SOAT1: variants seen among roughly 807,000 people sequenced by gnomAD.
SOAT1 encodes the protein acyl-coenzyme A:cholesterol acyltransferase 1.
Under a neutral mutation model 69.5 loss-of-function variants are expected in SOAT1, and 55 were observed. That is an observed-to-expected ratio of 0.79 (90% confidence interval 0.64 to 0.99). The LOEUF (loss-of-function observed/expected upper bound fraction) is 0.99, where lower values mean the gene tolerates loss of function less well. SOAT1 is among the 50% of genes least tolerant of loss of function. The pLI is 0.00. For synonymous variants in SOAT1, 231 were observed against 224.7 expected, an observed-to-expected ratio of 1.03 and a Z score of -0.25; for missense variants, 580 against 669.3, an observed-to-expected ratio of 0.87 and a Z score of 1.47.
chr1:179,307,508 A>T (rs1665047565), intron 2 of SOAT1, among the ~76,000 whole-genome samples: 1 of 151,806 alleles, frequency 6.6e-6, no homozygotes, highest in South Asian at 2.1e-4. Context: ...GCTTGGGAGG[A>T]TCATTTGAGC....
chr1:179,331,970 C>G (rs1475000244), intron 3 of SOAT1, among the ~76,000 whole-genome samples: 1 of 152,054 alleles, frequency 6.6e-6, no homozygotes, highest in African/African-American at 2.4e-5. Flanking sequence ...TTCTTTAAAA[C>G]CATTTATGAA....
At position 179,315,715 on chromosome 1, in the gene SOAT1, C is replaced by T. The variant is rs184228670; in HGVS notation, c.119-7722C>T. 7.9e-5 allele frequency among the ~76,000 whole-genome samples: 12 copies of T among 152,296 alleles called. No individual in the cohort carries two copies. In the East Asian group the frequency reaches 2.3e-3, roughly 29 times the overall value. On this transcript the variant is annotated intron_variant, in intron 2 of 15. Coordinates refer to ENST00000367619, the MANE Select transcript of SOAT1 (RefSeq NM_003101.6). Reference sequence around the variant, plus strand: ...AATCTTTTTTCTAACTTTCCAGTGGCTGCATCTCAAAGCCTGTTTGTAATG... The same window carrying T: ...AATCTTTTTTCTAACTTTCCAGTGGTTGCATCTCAAAGCCTGTTTGTAATG...
At chr1:179,309,106 CG>C (rs907731523) in intron 2 of SOAT1, among the ~76,000 whole-genome samples, 1 of 152,068 alleles carries the variant, frequency 6.6e-6, no homozygotes, top group African/African-American at 2.4e-5. Context: ...TTTTTTGAGA[CG>C]GAGTCTCACT....
intron 1 of SOAT1, among the ~76,000 whole-genome samples, chr1:179,297,913 A>G (rs1254935626): frequency 6.6e-6 from 1 of 150,820 alleles, no homozygotes; most frequent in Non-Finnish European, 1.5e-5. Context: ...GAGGCAGGAG[A>G]ATCGCTTGAA....
chr1:179,305,744 ATCTG>A (rs760927041), intron 2 of SOAT1, among the ~76,000 whole-genome samples: 5 of 152,202 alleles, frequency 3.3e-5, no homozygotes, highest in Admixed American at 6.5e-5. Flanking sequence ...AAGACTTATT[ATCTG>A]TCTTTTGATG....
chr1:179,351,822 T>C (rs10798666), intron 15 of SOAT1, among the ~76,000 whole-genome samples: 99,094 of 148,888 alleles, frequency 0.67, 33,163 homozygotes, highest in East Asian at 0.88. Context: ...CGGATTCAAG[T>C]GATTCTCCTT....
In SOAT1 at chr1:179,357,204, G is replaced by GTTTT. The variant is rs959199145; in HGVS notation, c.*3564_*3567dup. 1.9e-5 allele frequency: 3 copies of GTTTT among 160,108 alleles called. No individual in the cohort carries two copies. The highest frequency in any genetic ancestry group is 2.8e-3 in the Middle Eastern group (1 of 358). 9.9% of individuals were successfully genotyped at this position (160,108 alleles called of 1,614,324 possible). On this transcript the variant is annotated 3_prime_UTR_variant, in exon 16 of 16. Coordinates refer to ENST00000367619, the MANE Select transcript of SOAT1 (RefSeq NM_003101.6). ...AAATGTTTCAAGGAATAAAGTGAAT[G>GTTTT]TTTTGTTTGTTTGTTTGTTTTGAGA...
At chr1:179,326,179 T>G (rs1373501012) in intron 3 of SOAT1, among the ~76,000 whole-genome samples, 1 of 152,178 alleles carries the variant, frequency 6.6e-6, no homozygotes, top group East Asian at 1.9e-4. Flanking sequence ...TGAGGCTAGA[T>G]TATAAAGCAT....
intron 7 of SOAT1, among the ~76,000 whole-genome samples, chr1:179,341,726 G>T (rs112155921): frequency 0.013 from 1,913 of 151,956 alleles, 61 homozygotes; most frequent in African/African-American, 0.044. Flanking sequence ...GTAGAGATGG[G>T]GTTTCACCAT....
Position 179,302,814 on chromosome 1 carries a change from T to A in SOAT1, c.118+12T>A, listed in dbSNP as rs80092740. 1.7e-6 allele frequency: 1 copy of A among 597,158 alleles called. No individual in the cohort carries two copies. 37.0% of individuals were successfully genotyped at this position (597,158 alleles called of 1,614,324 possible). A position where few individuals can be genotyped will look rare whatever the true frequency, so the allele number is the denominator to read the frequency against. On this transcript the variant is annotated intron_variant, in intron 2 of 15. Transcript: ENST00000367619. ...GACACCTAGTAATGGTGAGGCTTAA[T>A]TTTTTTTTTTTAGGTGAATTAGTGA...
chr1:179,351,258 G>T, intron 14 of SOAT1, 59 bp from the exon 15 acceptor site: 1 of 1,466,028 alleles, frequency 6.8e-7, no homozygotes, highest in Non-Finnish European at 9.5e-7. Flanking sequence ...TGGCCAGGCT[G>T]GTCTCGAACT....
chr1:179,298,765 T>C (rs1664737218), intron 1 of SOAT1, among the ~76,000 whole-genome samples: 1 of 152,250 alleles, frequency 6.6e-6, no homozygotes, highest in Non-Finnish European at 1.5e-5. Context: ...ATGTAATTTA[T>C]TGAATACTAT....
At chr1:179,301,657 A>C (rs3923882) in intron 1 of SOAT1, among the ~76,000 whole-genome samples, 1 of 152,122 alleles carries the variant, frequency 6.6e-6, no homozygotes, top group East Asian at 1.9e-4. Context: ...TTGTTTTCTC[A>C]TGTGAAAACT....
chr1:179,312,295 C>T (rs893476316), intron 2 of SOAT1, among the ~76,000 whole-genome samples: 10 of 152,002 alleles, frequency 6.6e-5, no homozygotes, highest in Non-Finnish European at 1.3e-4. Context: ...CTGGAGTCGG[C>T]GTGTGGCATG....
intron 1 of SOAT1, among the ~76,000 whole-genome samples, chr1:179,300,893 C>G (rs1016611393): frequency 6.6e-6 from 1 of 151,896 alleles, no homozygotes; most frequent in East Asian, 1.9e-4. Context: ...GTCAGAAGTT[C>G]GAGACCAGCG....
At chr1:179,322,562 G>T (rs1378574827) in intron 2 of SOAT1, among the ~76,000 whole-genome samples, 1 of 152,040 alleles carries the variant, frequency 6.6e-6, no homozygotes, top group Non-Finnish European at 1.5e-5. Context: ...TTGGAATTCT[G>T]TACGGCCTTG....
intron 2 of SOAT1, 79 bp downstream of exon 2, chr1:179,302,881 C>G (rs564484121): frequency 1.4e-6 from 1 of 705,976 alleles, no homozygotes; most frequent in Non-Finnish European, 2.3e-6. Flanking sequence ...GTATTGCCAT[C>G]TCTTTAATTC....
chr1:179,346,943 G>A (rs1049379056), intron 11 of SOAT1, among the ~76,000 whole-genome samples: 3 of 152,048 alleles, frequency 2.0e-5, no homozygotes, highest in African/African-American at 4.8e-5. Context: ...AATGTCCTGT[G>A]GGGGAGAGGG....
chr1:179,348,735 T>C, intron 12 of SOAT1, 109 bp from the exon 13 acceptor site: 1 of 695,496 alleles, frequency 1.4e-6, no homozygotes, highest in Admixed American at 2.1e-5. Flanking sequence ...CTTTGGGAAG[T>C]CAGGGGGGTT....
Sources: gnomAD v4.1 joint callset for allele counts (sites outside exome capture counted in the v4.1 genomes callset) on GRCh38, gnomAD v4.1.1 for gene constraint, MANE v1.5 for transcripts, NCBI Gene and HGNC (gene_info 2026-07-23, HGNC 2026-07-21) for gene names.